The following SMC4 variants were observed in gnomAD, a reference collection of about 807,000 sequenced individuals.
SMC4 encodes the protein structural maintenance of chromosomes 4.
Under a neutral mutation model 145.6 loss-of-function variants are expected in SMC4, and 87 were observed. The ratio of observed to expected loss-of-function variants is 0.60; its 90% CI spans 0.50 to 0.71. SMC4 has a LOEUF of 0.71. Ranked by LOEUF, SMC4 falls within the 30% of genes least tolerant of loss-of-function variation. The pLI is 0.00. For synonymous variants in SMC4, 558 were observed against 500.7 expected (o/e 1.11, Z -1.53); for missense variants, 1,447 against 1,537.1 (o/e 0.94, Z 0.98).
Position 160,432,477 on chromosome 3 carries a change from A to G in SMC4, c.3492A>G (p.Val1164=). The stretch of plus-strand genomic sequence containing the variant: ...GAGGGGACGCCGAACTCGAGCTTGT[A>G]GACAGCTTGGATCCTTTCTCTGAAG... The part of the protein sequence containing the change: ...TLGGDAELEL[V]DSLDPFSEGI... Residue 1164 remains valine, a synonymous_variant, in exon 22 of 24, where the codon GTA becomes GTG. Transcript: ENST00000357388. The G allele has an allele frequency of 6.2e-7, 1 of 1,611,938 alleles. No individual in the cohort carries two copies. Among genetic ancestry groups the G allele is most frequent in the Non-Finnish European group, 8.5e-7 (1 of 1,179,050 alleles).
At position 160,411,991 on chromosome 3, in the gene SMC4, T is replaced by G. The variant is rs1029889597; in HGVS notation, c.759T>G (p.Tyr253Ter). 1 of 1,613,682 alleles carries G rather than the reference T, an allele frequency of 6.2e-7. No homozygotes were observed. Among genetic ancestry groups the G allele is most frequent in the Non-Finnish European group, 8.5e-7 (1 of 1,179,780 alleles). The change falls in exon 6 of 24, where the codon TAT becomes TAG. Residue 253 changes from tyrosine to a stop codon, truncating the protein, a stop_gained. Transcript: ENST00000357388. LOFTEE classifies it high-confidence loss of function. The stretch of plus-strand genomic sequence containing the variant: ...AACACGATGAGGGTATGCTTGAATA[T>G]TTAGAAGATATAATTGGTTGTGGAC... ...QTEHDEGMLE[Y>*]LEDIIGCGRL...
intron 12 of SMC4, 28 bp downstream of exon 12, chr3:160,419,571 TTTAC>T: frequency 6.4e-7 from 1 of 1,552,662 alleles, no homozygotes; most frequent in Admixed American, 2.3e-5. Flanking sequence ...GGGGCATGGC[TTTAC>T]TTTTTTTTTT....
At position 160,433,062 on chromosome 3, in the gene SMC4, C is replaced by T. The variant is rs930408802; in HGVS notation, c.3567C>T (p.Phe1189=). The T allele has an allele frequency of 3.1e-6, 5 of 1,613,556 alleles. No individual in the cohort carries two copies. Among genetic ancestry groups the T allele is most frequent in the Admixed American group, 3.3e-5 (2 of 59,994 alleles). ...CTAAGAAAAGTTGGAAAAAGATCTT[C>T]AACCTTTCGGGAGGAGAGAAAACAC... ...RPPKKSWKKI[F]NLSGGEKTLS... is the part of the protein sequence containing the mutation. Residue 1189 remains phenylalanine (F), a synonymous_variant, in exon 23 of 24, where the codon TTC becomes TTT. Transcript: ENST00000357388.
At position 160,412,342 on chromosome 3, in the gene SMC4, T is replaced by G. The variant is rs1362526157; in HGVS notation, c.869T>G (p.Met290Arg). 2 of 1,598,298 alleles carry G rather than the reference T, an allele frequency of 1.3e-6. No homozygotes were observed. The highest frequency in any genetic ancestry group is 2.7e-5 in the African/African-American group (2 of 74,562). ...HRGEKLNRVKMVEKEKDALEG... is the reference protein window; with the variant it reads ...HRGEKLNRVKRVEKEKDALEG... ...TTTCTGTAGTTAAACAGGGTAAAGA[T>G]GGTGGAAAAGGAAAAGGATGCCTTA... The change falls in exon 7 of 24, where the codon ATG (methionine) becomes AGG (arginine). Residue 290 changes from methionine (M) to arginine (R), a missense_variant. Transcript: ENST00000357388.
At chr3:160,401,517 G>C (rs1400456170) in intron 2 of SMC4, among the ~76,000 whole-genome samples, 2 of 152,144 alleles carry the variant, frequency 1.3e-5, no homozygotes, top group Non-Finnish European at 2.9e-5. Flanking sequence ...GAAGGTTCCA[G>C]GTGCTCAGCG....
At position 160,429,660 on chromosome 3, in the gene SMC4, A is replaced by C. The variant is rs369173381; in HGVS notation, c.2795+718A>C. 3.3e-5 allele frequency among the ~76,000 whole-genome samples: 5 copies of C among 151,610 alleles called. No individual in the cohort carries two copies. In the East Asian group the frequency reaches 9.7e-4, roughly 29 times the overall value. ...CTGCACCCAGCCACCTTAAAATTTT[A>C]AATACCTAGAAGATTTCATTGTCCT... On this transcript the variant is annotated intron_variant, in intron 18 of 23. Transcript: ENST00000357388.
chr3:160,423,677 G>GT (rs551358886), intron 14 of SMC4, 27 bp downstream of exon 14: 728 of 1,579,976 alleles, frequency 4.6e-4, no homozygotes, highest in Non-Finnish European at 5.2e-4. Context: ...TTCTTGGTTT[G>GT]TTTTTTTTTC....
At position 160,419,427 on chromosome 3, in the gene SMC4, C is replaced by G; in HGVS notation, c.1741C>G (p.Gln581Glu). ...NFKSLVHDLF[Q>E]KVEEAKSSLA... ...TAAAAGTTTGGTTCATGATCTCTTT[C>G]AAAAAGTTGAAGAAGCAAAGAGCTC... The change falls in exon 12 of 24, where the codon CAA becomes GAA. Residue 581 changes from glutamine to glutamate, a missense_variant. Coordinates refer to ENST00000357388, the MANE Select transcript of SMC4 (RefSeq NM_001002800.3). 1 of 1,612,200 alleles carries G rather than the reference C, an allele frequency of 6.2e-7. No individual in the cohort carries two copies. The highest frequency in any genetic ancestry group is 8.5e-7 in the Non-Finnish European group (1 of 1,179,510).
Position 160,432,415 on chromosome 3 carries a change from A to G in SMC4, c.3430A>G (p.Asn1144Asp). Residue 1144 changes from asparagine to aspartate, a missense_variant, in exon 22 of 24, where the codon AAT (asparagine) becomes GAT (aspartate). Coordinates refer to ENST00000357388, the MANE Select transcript of SMC4 (RefSeq NM_001002800.3). ...TATGGCAGGTTTTTATATAATAACAAATAAATTAAAGGAAAATTACCAAAT... is the reference window on the plus strand; with the variant it reads ...TATGGCAGGTTTTTATATAATAACAGATAAATTAAAGGAAAATTACCAAAT... The part of the protein sequence containing the change: ...EFMAGFYIIT[N>D]KLKENYQMLT... 2 of 1,613,184 alleles carry G rather than the reference A, an allele frequency of 1.2e-6. No individual in the cohort carries two copies. The highest frequency in any genetic ancestry group is 1.7e-6 in the Non-Finnish European group (2 of 1,179,308).
chr3:160,428,386 T>C (rs969811790), intron 17 of SMC4, among the ~76,000 whole-genome samples: 2 of 152,186 alleles, frequency 1.3e-5, no homozygotes, highest in African/African-American at 2.4e-5. Context: ...AATTTCTTCA[T>C]TGTGGGCAAG....
intron 5 of SMC4, among the ~76,000 whole-genome samples, chr3:160,409,265 C>CAAAAAAAAAAAAAAAAAAA: frequency 1.6e-5 from 1 of 61,946 alleles, no homozygotes; most frequent in Non-Finnish European, 2.8e-5. Flanking sequence ...AACTCCGTCT[C>CAAAAAAAAAAAAAAAAAAA]AAAAAAAAAA....
chr3:160,412,533 A>G, intron 7 of SMC4, 80 bp downstream of exon 7: 2 of 1,460,920 alleles, frequency 1.4e-6, no homozygotes, highest in South Asian at 2.9e-5. Flanking sequence ...TTCCTAGAGA[A>G]ACATGAAGAC....
Position 160,430,661 on chromosome 3 carries a change from AAG to A in SMC4, c.2861_2862del (p.Glu954GlyfsTer3). ...GAGAAAGAAATAAAAGATACTGAGA[AAG>A]AGGTGGATGACCTAACAGCAGAGCT... is the stretch of plus-strand genomic sequence containing the variant. On this transcript the variant is annotated frameshift_variant, in exon 19 of 24. Coordinates refer to ENST00000357388, the MANE Select transcript of SMC4 (RefSeq NM_001002800.3). LOFTEE classifies it high-confidence loss of function. 2 of 1,613,742 alleles carry A rather than the reference AAG, an allele frequency of 1.2e-6. No homozygotes were observed. The highest frequency in any genetic ancestry group is 1.7e-6 in the Non-Finnish European group (2 of 1,179,824).
rs1560010885 is a variant in SMC4 at position 160,426,225 on chromosome 3, T to G, written c.2605+25T>G. On this transcript the variant is annotated intron_variant, in intron 17 of 23. Coordinates refer to ENST00000357388, the MANE Select transcript of SMC4 (RefSeq NM_001002800.3). ...GGTATGTTTAGAGATAGACCTTTTT[T>G]GGGGGGAAAAAAAAAACAGGTTTTT... 5.8e-6 allele frequency: 9 copies of G among 1,552,550 alleles called. No homozygotes were observed. In the East Asian group the frequency reaches 9.1e-5, roughly 16 times the overall value.
intron 5 of SMC4, among the ~76,000 whole-genome samples, chr3:160,410,201 T>C (rs568970247): frequency 4.6e-4 from 70 of 152,346 alleles, no homozygotes; most frequent in African/African-American, 1.4e-3. Context: ...TCGGTTGTTA[T>C]AGCTGGTAGA....
At chr3:160,404,016 G>A (rs1197118956) in intron 4 of SMC4, 3 of 261,326 alleles carry the variant, frequency 1.1e-5, no homozygotes, top group Admixed American at 1.1e-4. Flanking sequence ...TTTTGGATAT[G>A]GTGGGAATCT....
chr3:160,414,295 C>A, intron 8 of SMC4, 72 bp from the exon 9 acceptor site: 1 of 1,224,642 alleles, frequency 8.2e-7, no homozygotes, highest in Non-Finnish European at 1.2e-6. Context: ...AGGAAGTGTT[C>A]CAGGTAGGAA....
At position 160,399,746 on chromosome 3, in the gene SMC4, G is replaced by A. The variant is rs572759779; in HGVS notation, c.-9G>A. Reference sequence around the variant, plus strand: ...AGCCTTGGTCTGAGTGGACTGTCCTGCAGGTAAAGTACTTCTCTTCCTGGT... The same window carrying A: ...AGCCTTGGTCTGAGTGGACTGTCCTACAGGTAAAGTACTTCTCTTCCTGGT... On this transcript the variant is annotated 5_prime_UTR_variant, in exon 1 of 24. Transcript: ENST00000357388. The A allele has an allele frequency of 6.5e-6, 1 of 152,790 alleles. No individual in the cohort carries two copies. Among genetic ancestry groups the A allele is most frequent in the South Asian group, 2.1e-4 (1 of 4,830 alleles). The allele number at this position is 152,790 out of a possible 1,614,324, so 9.5% of individuals were successfully genotyped here.
At chr3:160,431,560 G>A in intron 20 of SMC4, 83 bp from the exon 21 acceptor site, 1 of 1,070,874 alleles carries the variant, frequency 9.3e-7, no homozygotes, top group Non-Finnish European at 1.3e-6. Flanking sequence ...TCATAGCTGT[G>A]TAATTTGTCA....
Sources: gnomAD v4.1 joint callset for allele counts (sites outside exome capture counted in the v4.1 genomes callset) on GRCh38, gnomAD v4.1.1 for gene constraint, MANE v1.5 for transcripts, NCBI Gene and HGNC (gene_info 2026-07-23, HGNC 2026-07-21) for gene names.